CSNK1G1: variants seen among roughly 807,000 people sequenced by gnomAD.
CSNK1G1 encodes the protein casein kinase I isoform gamma-1.
CSNK1G1 carries 22 observed loss-of-function variants against 59.6 expected under a neutral mutation model. The observed-to-expected ratio is 0.37, with a 90% CI of 0.26 to 0.53. The LOEUF (loss-of-function observed/expected upper bound fraction) is 0.53, where lower values mean the gene tolerates loss of function less well. Ranked by LOEUF, CSNK1G1 falls within the 20% of genes least tolerant of loss-of-function variation. The pLI, the probability that CSNK1G1 is intolerant of heterozygous loss-of-function variation, is 0.89. For missense variants in CSNK1G1, 384 were observed against 519.5 expected, an observed-to-expected ratio of 0.74 and a Z score of 2.54; for synonymous variants, 179 against 177.1, an observed-to-expected ratio of 1.01 and a Z score of -0.08.
intron 1 of CSNK1G1, among the ~76,000 whole-genome samples, chr15:64,321,146 T>C (rs115144579): frequency 0.012 from 1,890 of 152,196 alleles, 29 homozygotes; most frequent in African/African-American, 0.044. Flanking sequence ...CATTTTTCAA[T>C]TTCAAATGCA....
At chr15:64,352,444 C>CTTTTTTTTTTTTTTTTTTTTTTTTTTTT (rs1566958692) in intron 1 of CSNK1G1, among the ~76,000 whole-genome samples, 1 of 79,922 alleles carries the variant, frequency 1.3e-5, no homozygotes. Flanking sequence ...AATTTGAATT[C>CTTTTTTTTTTTTTTTTTTTTTTTTTTTT]TTCTTTTTTT....
At chr15:64,173,626 T>C (rs1055115189) in intron 11 of CSNK1G1, among the ~76,000 whole-genome samples, 7 of 141,824 alleles carry the variant, frequency 4.9e-5, no homozygotes, top group Admixed American at 2.8e-4. Flanking sequence ...TTTCTTTTTT[T>C]TTTTTTTTTT....
In CSNK1G1 at chr15:64,223,295, T is replaced by A. The variant is rs887464999; in HGVS notation, c.293-6582A>T. 2.0e-5 allele frequency among the ~76,000 whole-genome samples: 3 copies of A among 152,210 alleles called. No homozygotes were observed. The East Asian group carries it at 5.8e-4, about 29-fold the overall frequency. ...GCAGAGCCATCTCTAATCCACTGCT[T>A]AAGAAATTTTAAATTAATCAACATT... On this transcript the variant is annotated intron_variant, in intron 4 of 11. Transcript: ENST00000303052.
chr15:64,296,450 G>A (rs1210637375), intron 2 of CSNK1G1, among the ~76,000 whole-genome samples: 1 of 152,050 alleles, frequency 6.6e-6, no homozygotes, highest in Non-Finnish European at 1.5e-5. Flanking sequence ...ACTTTGTATT[G>A]CAATTTGTTT....
intron 4 of CSNK1G1, among the ~76,000 whole-genome samples, chr15:64,220,061 C>A (rs1411855438): frequency 6.6e-6 from 1 of 151,502 alleles, no homozygotes. Flanking sequence ...TGTGAGCCAC[C>A]ACGCCCAGCC....
intron 4 of CSNK1G1, among the ~76,000 whole-genome samples, chr15:64,238,518 AATAT>A (rs1212005568): frequency 1.3e-3 from 65 of 49,226 alleles, no homozygotes; most frequent in African/African-American, 5.4e-3. Flanking sequence ...AAAAAAAAAA[AATAT>A]ATATATATAT....
At chr15:64,278,384 G>C (rs1007788504) in intron 2 of CSNK1G1, among the ~76,000 whole-genome samples, 9 of 105,862 alleles carry the variant, frequency 8.5e-5, no homozygotes, top group Admixed American at 2.7e-4. Context: ...GTGCGTGTGT[G>C]TGTGTGTGTG....
chr15:64,327,249 A>G (rs1236988889), intron 1 of CSNK1G1, among the ~76,000 whole-genome samples: 1 of 152,044 alleles, frequency 6.6e-6, no homozygotes, highest in Non-Finnish European at 1.5e-5. Context: ...AGACAGCAGT[A>G]ACCTCTGCAG....
intron 1 of CSNK1G1, among the ~76,000 whole-genome samples, chr15:64,332,739 CA>C (rs113780042): frequency 8.3e-5 from 12 of 144,878 alleles, no homozygotes; most frequent in East Asian, 4.2e-4. Flanking sequence ...AAAACAAAAA[CA>C]AAAAAAAAGT....
intron 4 of CSNK1G1, among the ~76,000 whole-genome samples, chr15:64,243,796 A>C (rs1704987842): frequency 6.6e-6 from 1 of 150,962 alleles, no homozygotes; most frequent in Non-Finnish European, 1.5e-5. Flanking sequence ...CTTGAGCCTG[A>C]GAAGTGGAGG....
At chr15:64,295,963 G>A (rs113371375) in intron 2 of CSNK1G1, among the ~76,000 whole-genome samples, 4 of 152,138 alleles carry the variant, frequency 2.6e-5, no homozygotes, top group Non-Finnish European at 4.4e-5. Flanking sequence ...AAATGCTGCT[G>A]TGATATGCTG....
At chr15:64,320,336 G>A (rs1394261514) in intron 1 of CSNK1G1, among the ~76,000 whole-genome samples, 1 of 152,038 alleles carries the variant, frequency 6.6e-6, no homozygotes. Flanking sequence ...AATAGTGGGT[G>A]TCCCACCTAA....
intron 4 of CSNK1G1, among the ~76,000 whole-genome samples, chr15:64,229,738 T>C (rs1262944167): frequency 6.6e-6 from 1 of 151,974 alleles, no homozygotes; most frequent in African/African-American, 2.4e-5. Context: ...GAAGTGAGAA[T>C]GCTTTTGACT....
chr15:64,338,739 C>T (rs892863080), intron 1 of CSNK1G1, among the ~76,000 whole-genome samples: 16 of 139,690 alleles, frequency 1.1e-4, no homozygotes, highest in Admixed American at 6.6e-4. Flanking sequence ...CACTTCTGGC[C>T]GGGCGCGATA....
intron 10 of CSNK1G1, among the ~76,000 whole-genome samples, chr15:64,192,204 CAA>C (rs1248527865): frequency 6.6e-6 from 1 of 152,180 alleles, no homozygotes; most frequent in African/African-American, 2.4e-5. Flanking sequence ...AAATGTCACT[CAA>C]GAGGTGCATG....
rs1566930147 is a variant in CSNK1G1, at chr15:64,277,678, TATAGCA to T, written c.182-18443_182-18438del. Among the ~76,000 whole-genome samples, 47 of 134,352 alleles carry T rather than the reference TATAGCA, an allele frequency of 3.5e-4. No homozygotes were observed. The East Asian group carries it at 4.1e-3, about 12-fold the overall frequency. The allele number at this position is 134,352 out of a possible 152,430, so 88.1% of individuals were successfully genotyped here. A position where few individuals can be genotyped will look rare whatever the true frequency, so the allele number is the denominator to read the frequency against. On this transcript the variant is annotated intron_variant, in intron 2 of 11. Coordinates refer to ENST00000303052, the MANE Select transcript of CSNK1G1 (RefSeq NM_022048.5). ...ATAGCAATATTGATATATTTAATAATATAGCAATATTGATATATTTAATAATATATT... is the reference window on the plus strand; with the variant it reads ...ATAGCAATATTGATATATTTAATAATATATTGATATATTTAATAATATATT...
At chr15:64,253,091 T>G (rs1892178269) in intron 3 of CSNK1G1, among the ~76,000 whole-genome samples, 1 of 152,006 alleles carries the variant, frequency 6.6e-6, no homozygotes, top group Non-Finnish European at 1.5e-5. Flanking sequence ...ATGCCTGTAA[T>G]CCCAGCACTT....
chr15:64,314,263 T>G (rs748784513), intron 1 of CSNK1G1, among the ~76,000 whole-genome samples: 98 of 152,242 alleles, frequency 6.4e-4, no homozygotes, highest in Admixed American at 1.2e-3. Context: ...ATTACAGGCA[T>G]GTGTCACCAT....
chr15:64,207,400 C>T (rs576482029), intron 7 of CSNK1G1, 109 bp downstream of exon 7: 22 of 739,764 alleles, frequency 3.0e-5, no homozygotes, highest in South Asian at 2.3e-4. Flanking sequence ...CATGAGCCAC[C>T]GCATCTGGCC....
Sources: gnomAD v4.1 joint callset for allele counts (sites outside exome capture counted in the v4.1 genomes callset) on GRCh38, gnomAD v4.1.1 for gene constraint, MANE v1.5 for transcripts, NCBI Gene and HGNC (gene_info 2026-07-23, HGNC 2026-07-21) for gene names.